ZFYVE26: variants seen among roughly 807,000 people sequenced by gnomAD.
ZFYVE26 encodes zinc finger FYVE-type containing 26, also known as zinc finger FYVE domain-containing protein 26.
In ZFYVE26, 181 loss-of-function variants were observed where a neutral mutation model predicts 276.5. The ratio of observed to expected loss-of-function variants is 0.65; its 90% CI spans 0.58 to 0.74. ZFYVE26 has a LOEUF of 0.74. Ranked by LOEUF, ZFYVE26 falls within the 30% of genes least tolerant of loss-of-function variation. The pLI is 0.00. For synonymous variants in ZFYVE26, 1,129 were observed against 1,203.1 expected, an observed-to-expected ratio of 0.94 and a Z score of 1.27; for missense variants, 2,821 against 3,097.9, an observed-to-expected ratio of 0.91 and a Z score of 2.12.
chr14:67,754,259 G>A (rs1464057070), intron 37 of ZFYVE26, 47 bp from the exon 38 acceptor site: 2 of 1,613,030 alleles, frequency 1.2e-6, no homozygotes, highest in Admixed American at 1.7e-5. Flanking sequence ...GGGGCCCCAG[G>A]TGACTGAGGC....
intron 37 of ZFYVE26, among the ~76,000 whole-genome samples, chr14:67,754,785 C>T (rs377107313): frequency 2.0e-5 from 3 of 152,118 alleles, no homozygotes; most frequent in East Asian, 1.9e-4. Flanking sequence ...GGGGCCAGAA[C>T]GTGCAGGAGC....
chr14:67,799,886 C>T (rs574309211), intron 10 of ZFYVE26, among the ~76,000 whole-genome samples: 13 of 152,216 alleles, frequency 8.5e-5, no homozygotes, highest in African/African-American at 2.6e-4. Context: ...GCACTTGCCT[C>T]CATGGATCTT....
intron 36 of ZFYVE26, 61 bp from the exon 37 acceptor site, chr14:67,755,311 G>A: frequency 6.3e-7 from 1 of 1,582,304 alleles, no homozygotes; most frequent in Non-Finnish European, 8.7e-7. Context: ...GGTGGGGTGT[G>A]ATGAGAATTC....
intron 35 of ZFYVE26, among the ~76,000 whole-genome samples, chr14:67,760,344 C>G (rs1473850307): frequency 6.6e-6 from 1 of 152,166 alleles, no homozygotes; most frequent in Non-Finnish European, 1.5e-5. Flanking sequence ...GGTAAAAACA[C>G]CCCCCTTCAG....
In ZFYVE26 at chr14:67,780,321, C is replaced by A. The variant is rs1171607580; in HGVS notation, c.4594G>T (p.Val1532Leu). The A allele has an allele frequency of 3.1e-6, 5 of 1,613,748 alleles. No individual in the cohort carries two copies. The highest frequency in any genetic ancestry group is 4.2e-6 in the Non-Finnish European group (5 of 1,179,940). ...QKILGLQSPP[V>L]WCDWQTLRSC... ...CTCAAGGTCTGCCAGTCACACCACA[C>A]TGGGGGAGACTGCAAACCCAGAATC... Residue 1532 changes from valine (V) to leucine (L), a missense_variant, in exon 23 of 42, where the codon GTG (valine) becomes TTG (leucine). Physicochemically the swap from Val to Leu is conservative, Grantham distance 32 (BLOSUM62 1). Coordinates refer to ENST00000347230, the MANE Select transcript of ZFYVE26 (RefSeq NM_015346.4).
chr14:67,772,121 G>A lies in ZFYVE26; in HGVS notation c.5410C>T (p.Pro1804Ser), dbSNP rs778487919. The A allele has an allele frequency of 2.5e-6, 4 of 1,613,044 alleles. No individual in the cohort carries two copies. Among genetic ancestry groups the A allele is most frequent in the East Asian group, 4.5e-5 (2 of 44,860 alleles). ...TCCGGTACCCACTGGTGCCTGGCAG[G>A]GGGTGTCGCTGGGGGCACAAATTCC... ...SQEFVPPATP[P>S]ARHQWVPDET... Residue 1804 changes from proline (P) to serine (S), a missense_variant, in exon 28 of 42, where the codon CCT becomes TCT. Coordinates refer to ENST00000347230, the MANE Select transcript of ZFYVE26 (RefSeq NM_015346.4).
At chr14:67,811,483 A>G (rs1317667376) in intron 3 of ZFYVE26, among the ~76,000 whole-genome samples, 2 of 152,198 alleles carry the variant, frequency 1.3e-5, no homozygotes, top group Non-Finnish European at 2.9e-5. Context: ...CATCTGGGCT[A>G]AAAAAGTAGT....
intron 12 of ZFYVE26, 60 bp downstream of exon 12, chr14:67,797,612 T>C: frequency 6.5e-7 from 1 of 1,549,638 alleles, no homozygotes; most frequent in East Asian, 2.2e-5. Flanking sequence ...TCTTAAAGAG[T>C]ATTAGACAAG....
At chr14:67,806,110 T>C (rs1281045611) in intron 6 of ZFYVE26, among the ~76,000 whole-genome samples, 1 of 152,232 alleles carries the variant, frequency 6.6e-6, no homozygotes, top group Non-Finnish European at 1.5e-5. Context: ...AGGCAGAGAC[T>C]GACTTCTGTT....
chr14:67,755,783 T>G (rs1370142063), intron 36 of ZFYVE26, among the ~76,000 whole-genome samples, 165 bp downstream of exon 36: 1 of 151,938 alleles, frequency 6.6e-6, no homozygotes, highest in Non-Finnish European at 1.5e-5. Context: ...ATGGAAATCC[T>G]AATATTATTT....
chr14:67,767,785 G>A lies in ZFYVE26; in HGVS notation c.5709C>T (p.Pro1903=), dbSNP rs147620229. 4 of 1,614,000 alleles carry A rather than the reference G, an allele frequency of 2.5e-6. No individual in the cohort carries two copies. The highest frequency in any genetic ancestry group is 3.4e-6 in the Non-Finnish European group (4 of 1,180,050). ...SPPYSFVVRV[P]KADEVEWILD... ...AAATCCATTCCACCTCATCTGCTTT[G>A]GGGACTCTCACCACAAACGAGTATG... The change falls in exon 31 of 42, where the codon CCC becomes CCT. Residue 1903 remains proline (P), a synonymous_variant. Transcript: ENST00000347230.
At chr14:67,731,247 C>T in intron 13 of ZFYVE26, among the ~76,000 whole-genome samples, 1 of 121,130 alleles carries the variant, frequency 8.3e-6, no homozygotes, top group Non-Finnish European at 1.6e-5. Flanking sequence ...CATAGTCTCA[C>T]TCTGTTGCCC....
intron 13 of ZFYVE26, chr14:67,735,274 C>T (rs1181566716): frequency 7.1e-6 from 7 of 989,632 alleles, no homozygotes; most frequent in Middle Eastern, 3.0e-4. Context: ...CCTTCAGAAT[C>T]GCCTCGTGCT....
rs1418297585 is a variant in ZFYVE26 at position 67,766,239 on chromosome 14, G to A, written c.5999C>T (p.Ala2000Val). 2.5e-6 allele frequency: 4 copies of A among 1,614,068 alleles called. No individual in the cohort carries two copies. Among genetic ancestry groups the A allele is most frequent in the Non-Finnish European group, 3.4e-6 (4 of 1,180,036 alleles). The part of the protein sequence containing the change: ...FVKAGQSQDL[A>V]LCDSYISKVD... ...CACTGCCCTCTACCTGTCACAAAGA[G>A]CCAAGTCTTGGCTCTGGCCGGCTTT... is the stretch of plus-strand genomic sequence containing the variant. Residue 2000 changes from alanine to valine, a missense_variant, in exon 32 of 42, where the codon GCT becomes GTT. By Grantham distance (64) the Ala-to-Val change is moderately conservative (BLOSUM62 0). Coordinates refer to ENST00000347230, the MANE Select transcript of ZFYVE26 (RefSeq NM_015346.4).
intron 23 of ZFYVE26, 125 bp downstream of exon 23, chr14:67,780,116 G>T: frequency 1.1e-6 from 1 of 944,178 alleles, no homozygotes. Flanking sequence ...GCCTCGGCCA[G>T]AATGTGGTAT....
intron 3 of ZFYVE26, among the ~76,000 whole-genome samples, chr14:67,811,509 G>A (rs1400089197): frequency 7.2e-5 from 11 of 152,168 alleles, no homozygotes; most frequent in Admixed American, 7.2e-4. Flanking sequence ...GGCAGAAAAA[G>A]CAGAGGATTG....
intron 29 of ZFYVE26, among the ~76,000 whole-genome samples, chr14:67,768,893 G>C (rs2039130588): frequency 6.6e-6 from 1 of 152,162 alleles, no homozygotes; most frequent in Non-Finnish European, 1.5e-5. Context: ...ATAATGCTAT[G>C]GAGGAGAATA....
Position 67,775,077 on chromosome 14 carries a change from A to T in ZFYVE26, c.5259T>A (p.Ala1753=). 4 of 1,612,244 alleles carry T rather than the reference A, an allele frequency of 2.5e-6. No individual in the cohort carries two copies. Among genetic ancestry groups the T allele is most frequent in the Non-Finnish European group, 3.4e-6 (4 of 1,179,486 alleles). ...ATCTAGGGAGGGTCTCGGGATCTGC[A>T]GCCTGGTGGACAATTTCTTGGAGGT... The part of the protein sequence containing the change: ...VIHLQEIVHQ[A]ADPETLPRSP... Residue 1753 remains alanine (A), a synonymous_variant, in exon 27 of 42, where the codon GCT becomes GCA. Transcript: ENST00000347230.
chr14:67,750,111 C>T (rs2038597026), intron 41 of ZFYVE26, among the ~76,000 whole-genome samples: 1 of 152,164 alleles, frequency 6.6e-6, no homozygotes, highest in South Asian at 2.1e-4. Flanking sequence ...AATCAGAGGA[C>T]CTGGGCGTCT....
Sources: gnomAD v4.1 joint callset for allele counts (sites outside exome capture counted in the v4.1 genomes callset) on GRCh38, gnomAD v4.1.1 for gene constraint, MANE v1.5 for transcripts, NCBI Gene and HGNC (gene_info 2026-07-23, HGNC 2026-07-21) for gene names.